The following PLXNC1 variants were observed in gnomAD, a reference collection of about 807,000 sequenced individuals.
The protein encoded by PLXNC1 is plexin-C1.
In PLXNC1, 75 loss-of-function variants were observed where a neutral mutation model predicts 178.2. The ratio of observed to expected loss-of-function variants is 0.42; its 90% confidence interval spans 0.35 to 0.51. The LOEUF is 0.51. Among genes scored for constraint, PLXNC1 ranks in the 20% least tolerant of loss-of-function variants. PLXNC1 has a pLI of 0.02. For missense variants in PLXNC1, 1,503 were observed against 1,984.4 expected, an observed-to-expected ratio of 0.76 and a Z score of 4.61; for synonymous variants, 790 against 779.9, an observed-to-expected ratio of 1.01 and a Z score of -0.22.
At chr12:94,271,709 A>G (rs965798309) in intron 21 of PLXNC1, among the ~76,000 whole-genome samples, 1 of 152,222 alleles carries the variant, frequency 6.6e-6, no homozygotes, top group African/African-American at 2.4e-5. Flanking sequence ...ACGTCTAGCC[A>G]TCTTTCCTGG....
intron 28 of PLXNC1, among the ~76,000 whole-genome samples, chr12:94,302,501 T>G (rs1968564850): frequency 6.6e-6 from 1 of 152,232 alleles, no homozygotes; most frequent in Admixed American, 6.5e-5. Context: ...TTCATTTGAC[T>G]AATAAAGTTC....
At chr12:94,192,762 A>G (rs1183437847) in intron 4 of PLXNC1, among the ~76,000 whole-genome samples, 1 of 152,182 alleles carries the variant, frequency 6.6e-6, no homozygotes, top group East Asian at 1.9e-4. Context: ...GCCAAGCCCA[A>G]TATCCATGGA....
At chr12:94,285,661 C>T (rs540564321) in intron 23 of PLXNC1, among the ~76,000 whole-genome samples, 7 of 152,268 alleles carry the variant, frequency 4.6e-5, no homozygotes, top group Non-Finnish European at 7.4e-5. Context: ...AACACGGCCC[C>T]AGAGGGAAGG....
Position 94,260,933 on chromosome 12 carries a change from T to A in PLXNC1, c.3450+93T>A. The A allele has an allele frequency of 9.8e-7, 1 of 1,022,782 alleles. No individual in the cohort carries two copies. The highest frequency in any genetic ancestry group is 1.5e-6 in the Non-Finnish European group (1 of 666,884). The allele number at this position is 1,022,782 out of a possible 1,614,324, so 63.4% of individuals were successfully genotyped here. A position where few individuals can be genotyped will look rare whatever the true frequency, so the allele number is the denominator to read the frequency against. On this transcript the variant is annotated intron_variant, in intron 20 of 30. Transcript: ENST00000258526. The surrounding 1 kb of genome is among the most constrained non-coding windows in gnomAD (Gnocchi z 4.4). Reference sequence around the variant, plus strand: ...TGCCTTTGCCAGGATAAATCCTGAATGCTCGATGGTGTCAGCACTTAACCA... The same window carrying A: ...TGCCTTTGCCAGGATAAATCCTGAAAGCTCGATGGTGTCAGCACTTAACCA...
intron 15 of PLXNC1, among the ~76,000 whole-genome samples, chr12:94,253,790 C>T (rs985735942): frequency 1.3e-5 from 2 of 152,210 alleles, no homozygotes; most frequent in East Asian, 1.9e-4. Context: ...CCTCCCACCT[C>T]GGCCTCCCAA....
In PLXNC1 at chr12:94,247,914, T is replaced by C. The variant is rs764853392; in HGVS notation, c.2400T>C (p.Tyr800=). 11 of 1,613,850 alleles carry C rather than the reference T, an allele frequency of 6.8e-6. No individual in the cohort carries two copies. The Admixed American group carries it at 1.8e-4, about 27-fold the overall frequency. The part of the protein sequence containing the change: ...ELKGNINVSE[Y]CVATYCGFLA... ...TTCTTTTTGTCCAGGTCTCTGAATA[T>C]TGTGTGGCGACTTACTGCGGGTTTT... The change falls in exon 13 of 31, where the codon TAT becomes TAC. Residue 800 remains tyrosine, a synonymous_variant. Transcript: ENST00000258526.
intron 20 of PLXNC1, among the ~76,000 whole-genome samples, chr12:94,263,135 CAG>C (rs1188917139): frequency 6.6e-6 from 1 of 152,138 alleles, no homozygotes. Context: ...TTAGTGGTGA[CAG>C]AGAAACCTCA....
intron 4 of PLXNC1, among the ~76,000 whole-genome samples, chr12:94,187,372 T>G: frequency 6.6e-6 from 1 of 150,952 alleles, no homozygotes. Flanking sequence ...CCAAGAGAAA[T>G]GAAGGGAGAG....
intron 4 of PLXNC1, among the ~76,000 whole-genome samples, chr12:94,200,323 C>T (rs1263619530): frequency 6.6e-6 from 1 of 152,208 alleles, no homozygotes; most frequent in African/African-American, 2.4e-5. Context: ...AAATATTCCT[C>T]AAATGTTTTC....
chr12:94,243,063 G>T (rs751921974), intron 11 of PLXNC1, among the ~76,000 whole-genome samples: 1 of 152,252 alleles, frequency 6.6e-6, no homozygotes. Flanking sequence ...GGGAGATCAC[G>T]CTTGGCTCGG....
chr12:94,289,658 C>G (rs73230138), intron 23 of PLXNC1, among the ~76,000 whole-genome samples: 16,296 of 152,182 alleles, frequency 0.11, 1,084 homozygotes, highest in Non-Finnish European at 0.14. Context: ...GGGCACTTTT[C>G]AAAAAGGCAT....
At chr12:94,271,280 A>C (rs1410501134) in intron 21 of PLXNC1, among the ~76,000 whole-genome samples, 4 of 152,230 alleles carry the variant, frequency 2.6e-5, no homozygotes. Context: ...AAGGTATCAC[A>C]GAAAGGAGGC....
In PLXNC1 at chr12:94,248,007, C is replaced by A. The variant is rs1298561796; in HGVS notation, c.2493C>A (p.Thr831=). ...NVTVKLRVQD[T]YLDCGTLQYR... is the part of the protein sequence containing the mutation. ...CTGTGAAGCTGAGAGTACAAGACAC[C>A]TACTTGGATTGTGGAACCCTGCAGT... is the stretch of plus-strand genomic sequence containing the variant. Residue 831 remains threonine, a synonymous_variant, in exon 13 of 31, where the codon ACC becomes ACA. Transcript: ENST00000258526. 1.2e-6 allele frequency: 2 copies of A among 1,613,988 alleles called. No homozygotes were observed. Among genetic ancestry groups the A allele is most frequent in the Non-Finnish European group, 1.7e-6 (2 of 1,179,960 alleles).
chr12:94,245,982 GAAGGTTACC>G (rs2136059911), intron 12 of PLXNC1, among the ~76,000 whole-genome samples: 1 of 152,318 alleles, frequency 6.6e-6, no homozygotes, highest in South Asian at 2.1e-4. Flanking sequence ...AAAGCAGTCA[GAAGGTTACC>G]AATGGGAAAA....
chr12:94,229,811 A>G (rs1964043331), intron 9 of PLXNC1, among the ~76,000 whole-genome samples: 1 of 152,232 alleles, frequency 6.6e-6, no homozygotes, highest in African/African-American at 2.4e-5. Flanking sequence ...TGTAAAGTAA[A>G]TTTTGAAATC....
In PLXNC1 at chr12:94,180,887, C is replaced by T. The variant is rs138095986; in HGVS notation, c.1204-559C>T. 2.0e-5 allele frequency among the ~76,000 whole-genome samples: 3 copies of T among 152,264 alleles called. No individual in the cohort carries two copies. The East Asian group carries it at 5.8e-4, about 29-fold the overall frequency. ...CAGCCAGCTTCCACATATGAGGATA[C>T]TACCCCAGCCCTGAAGAGCGGCTTT... On this transcript the variant is annotated intron_variant, in intron 2 of 30. Coordinates refer to ENST00000258526, the MANE Select transcript of PLXNC1 (RefSeq NM_005761.3).
intron 5 of PLXNC1, among the ~76,000 whole-genome samples, chr12:94,218,560 G>A (rs1330114756): frequency 6.6e-6 from 1 of 152,154 alleles, no homozygotes; most frequent in East Asian, 1.9e-4. Context: ...TGATGCAAAA[G>A]GAGTCCACTG....
intron 4 of PLXNC1, among the ~76,000 whole-genome samples, chr12:94,194,934 G>A (rs946652153): frequency 1.3e-5 from 2 of 152,168 alleles, no homozygotes; most frequent in African/African-American, 2.4e-5. Context: ...AGGCTTCAAC[G>A]AGGAGGTGGC....
At chr12:94,153,695 A>C (rs73222637) in intron 1 of PLXNC1, among the ~76,000 whole-genome samples, 15,955 of 152,164 alleles carry the variant, frequency 0.1, 1,393 homozygotes, top group African/African-American at 0.25. Context: ...GTATTGGTCC[A>C]CAGGACTCTA....
Sources: gnomAD v4.1 joint callset for allele counts (sites outside exome capture counted in the v4.1 genomes callset) on GRCh38, gnomAD v4.1.1 for gene constraint, Gnocchi (gnomAD v3.1) non-coding constraint, MANE v1.5 for transcripts, NCBI Gene and HGNC (gene_info 2026-07-23, HGNC 2026-07-21) for gene names.